RAB8B: variants seen among roughly 807,000 people sequenced by gnomAD.
RAB8B encodes the protein ras-related protein Rab-8B.
RAB8B carries 11 observed loss-of-function variants against 32.0 expected under a neutral mutation model. The observed-to-expected ratio is 0.34, with a 90% CI of 0.22 to 0.57. RAB8B has a LOEUF of 0.57. RAB8B is among the 20% of genes least tolerant of loss of function. RAB8B has a pLI of 0.86. For missense variants in RAB8B, 190 were observed against 258.5 expected (o/e 0.73, Z 1.82); for synonymous variants, 103 against 89.6 (o/e 1.15, Z -0.85).
At chr15:63,219,228 G>T (rs1484933289) in intron 1 of RAB8B, among the ~76,000 whole-genome samples, 20 of 150,398 alleles carry the variant, frequency 1.3e-4, no homozygotes, top group African/African-American at 4.7e-4. Context: ...AACTTGGGAG[G>T]CAGAGATTGT....
chr15:63,266,968 A>G lies in RAB8B; in HGVS notation c.*3349A>G, dbSNP rs1595754224. 1 of 152,584 alleles carries G rather than the reference A, an allele frequency of 6.6e-6. No homozygotes were observed. The highest frequency in any genetic ancestry group is 2.4e-5 in the African/African-American group (1 of 41,438). The allele number at this position is 152,584 out of a possible 1,614,324, so 9.5% of individuals were successfully genotyped here. A position where few individuals can be genotyped will look rare whatever the true frequency, so the allele number is the denominator to read the frequency against. Reference sequence around the variant, plus strand: ...TTTCATTATGTTGGTTAATTATTATAAATTTTAAGCACTCATTTCTGCAAT... The same window carrying G: ...TTTCATTATGTTGGTTAATTATTATGAATTTTAAGCACTCATTTCTGCAAT... On this transcript the variant is annotated 3_prime_UTR_variant, in exon 8 of 8. Transcript: ENST00000321437.
intron 1 of RAB8B, among the ~76,000 whole-genome samples, chr15:63,230,864 TTTTAA>T (rs912492871): frequency 6.6e-6 from 1 of 152,192 alleles, no homozygotes; most frequent in Admixed American, 6.5e-5. Flanking sequence ...CCCAGCTAAT[TTTTAA>T]TTTAATTTAA....
chr15:63,252,894 A>G (rs925429385), intron 3 of RAB8B, among the ~76,000 whole-genome samples: 1 of 152,056 alleles, frequency 6.6e-6, no homozygotes, highest in Non-Finnish European at 1.5e-5. Context: ...GATTATAGGC[A>G]TGCATCACCA....
chr15:63,219,083 G>A lies in RAB8B; in HGVS notation c.125-25673G>A, dbSNP rs118091912. On this transcript the variant is annotated intron_variant, in intron 1 of 7. Coordinates refer to ENST00000321437, the MANE Select transcript of RAB8B (RefSeq NM_016530.3). ...CGGGAGACTGAGGTGGGTAGATCAC[G>A]AGGTCAGAAGGTCGAGGCCATCCTG... Among the ~76,000 whole-genome samples, 409 of 136,414 alleles carry A rather than the reference G, an allele frequency of 3.0e-3. 3 individuals carry two copies. The highest frequency in any genetic ancestry group is 5.1e-3 in the Non-Finnish European group (335 of 65,476). The allele number at this position is 136,414 out of a possible 152,430, so 89.5% of individuals were successfully genotyped here.
At chr15:63,258,100 G>GTTTTTTTTTTT in intron 5 of RAB8B, among the ~76,000 whole-genome samples, 1 of 142,182 alleles carries the variant, frequency 7.0e-6, no homozygotes, top group Non-Finnish European at 1.5e-5. Flanking sequence ...AGTAAGTATA[G>GTTTTTTTTTTT]TTTTTTTTTT....
chr15:63,247,933 A>G (rs1567019519), intron 2 of RAB8B, among the ~76,000 whole-genome samples: 1 of 152,240 alleles, frequency 6.6e-6, no homozygotes, highest in Non-Finnish European at 1.5e-5. Flanking sequence ...GAAGGTTACT[A>G]TAGGCTGCCC....
chr15:63,249,180 G>A (rs1019195250), intron 2 of RAB8B, among the ~76,000 whole-genome samples: 2 of 152,132 alleles, frequency 1.3e-5, no homozygotes, highest in African/African-American at 2.4e-5. Flanking sequence ...GCTCTACTGA[G>A]CAGAATGTAC....
intron 5 of RAB8B, among the ~76,000 whole-genome samples, chr15:63,258,526 T>A (rs2038176426): frequency 6.6e-6 from 1 of 152,216 alleles, no homozygotes; most frequent in Admixed American, 6.5e-5. Flanking sequence ...GCCAGATTCT[T>A]GGCATTTTGA....
chr15:63,222,148 G>A (rs2037849660), intron 1 of RAB8B, among the ~76,000 whole-genome samples: 1 of 152,178 alleles, frequency 6.6e-6, no homozygotes, highest in Admixed American at 6.5e-5. Flanking sequence ...TGCCTTGGGT[G>A]GCTTCTCTAG....
chr15:63,191,127 T>G (rs2037552822), intron 1 of RAB8B, among the ~76,000 whole-genome samples: 1 of 152,178 alleles, frequency 6.6e-6, no homozygotes, highest in Non-Finnish European at 1.5e-5. Context: ...CAGCTTTTGG[T>G]TGTGTTGGTG....
chr15:63,239,862 G>C (rs2038017673), intron 1 of RAB8B, among the ~76,000 whole-genome samples: 1 of 152,286 alleles, frequency 6.6e-6, no homozygotes, highest in Non-Finnish European at 1.5e-5. Flanking sequence ...CGCATGATCT[G>C]AGAGCAATTG....
At chr15:63,223,469 T>A (rs1159160509) in intron 1 of RAB8B, among the ~76,000 whole-genome samples, 1 of 152,226 alleles carries the variant, frequency 6.6e-6, no homozygotes, top group African/African-American at 2.4e-5. Context: ...TAGATATGTT[T>A]AAACACACAA....
intron 1 of RAB8B, among the ~76,000 whole-genome samples, chr15:63,194,572 T>C (rs1193850095): frequency 6.6e-6 from 1 of 152,248 alleles, no homozygotes; most frequent in Non-Finnish European, 1.5e-5. Flanking sequence ...TCAAAGTGTA[T>C]CCTATCATTA....
At chr15:63,247,658 C>T (rs1224048269) in intron 2 of RAB8B, among the ~76,000 whole-genome samples, 1 of 152,258 alleles carries the variant, frequency 6.6e-6, no homozygotes, top group African/African-American at 2.4e-5. Flanking sequence ...TTCAGAGCAG[C>T]ACTGGCTAAG....
At chr15:63,207,243 G>T (rs991261705) in intron 1 of RAB8B, among the ~76,000 whole-genome samples, 5 of 152,170 alleles carry the variant, frequency 3.3e-5, no homozygotes, top group African/African-American at 9.7e-5. Context: ...GCACATATCA[G>T]ATCCATTATG....
At chr15:63,203,242 A>G (rs1489299946) in intron 1 of RAB8B, among the ~76,000 whole-genome samples, 3 of 152,228 alleles carry the variant, frequency 2.0e-5, no homozygotes, top group South Asian at 4.1e-4. Flanking sequence ...GTTATAACCA[A>G]TGGACTTACT....
At chr15:63,256,406 G>A in intron 4 of RAB8B, 99 bp from the exon 5 acceptor site, 1 of 826,934 alleles carries the variant, frequency 1.2e-6, no homozygotes, top group South Asian at 1.8e-5. Context: ...AAAAGATTAT[G>A]TCTTATTAAA....
chr15:63,220,165 T>A lies in RAB8B; in HGVS notation c.125-24591T>A, dbSNP rs190729494. On this transcript the variant is annotated intron_variant, in intron 1 of 7. Transcript: ENST00000321437. ...TATTTATTTCAGTGTGTTGAATTTT[T>A]AAAAATCACCCGAACCCCTAAACCT... is the stretch of plus-strand genomic sequence containing the variant. 5.9e-3 allele frequency among the ~76,000 whole-genome samples: 895 copies of A among 152,344 alleles called. 8 individuals carry two copies. Among genetic ancestry groups the A allele is most frequent in the African/African-American group, 0.019 (800 of 41,568 alleles).
intron 1 of RAB8B, among the ~76,000 whole-genome samples, chr15:63,240,806 C>CA (rs11312318): frequency 0.24 from 27,104 of 113,820 alleles, 3,088 homozygotes; most frequent in East Asian, 0.46. Flanking sequence ...ATGTTCCTAA[C>CA]AAAAAAAAAA....
Sources: gnomAD v4.1 joint callset for allele counts (sites outside exome capture counted in the v4.1 genomes callset) on GRCh38, gnomAD v4.1.1 for gene constraint, MANE v1.5 for transcripts, NCBI Gene and HGNC (gene_info 2026-07-23, HGNC 2026-07-21) for gene names.